TNRC6A: variants seen among roughly 807,000 people sequenced by gnomAD.
TNRC6A encodes the protein trinucleotide repeat-containing gene 6A protein.
Under a neutral mutation model 221.2 loss-of-function variants are expected in TNRC6A, and 44 were observed. The observed-to-expected ratio is 0.20, with a 90% CI of 0.16 to 0.26. TNRC6A has a LOEUF of 0.26. Ranked by LOEUF, TNRC6A falls within the 10% of genes least tolerant of loss-of-function variation. The pLI is 1.00. For missense variants in TNRC6A, 2,199 were observed against 2,404.4 expected (o/e 0.91, Z 1.79); for synonymous variants, 847 against 838.5 (o/e 1.01, Z -0.18).
rs2058061065 is a variant in TNRC6A at position 24,789,908 on chromosome 16, C to T, written c.1266C>T (p.Ser422=). The change falls in exon 6 of 25, where the codon AGC becomes AGT. Residue 422 remains serine, a synonymous_variant. Coordinates refer to ENST00000395799, the MANE Select transcript of TNRC6A (RefSeq NM_014494.4). ...GTTCTACCCATGGTACCTGGGGAAG[C>T]CTTCAGGAAACTTGTGAATCTGAAG... ...SGGSTHGTWG[S]LQETCESEVS... 1 of 1,613,672 alleles carries T rather than the reference C, an allele frequency of 6.2e-7. No individual in the cohort carries two copies. Among genetic ancestry groups the T allele is most frequent in the African/African-American group, 1.3e-5 (1 of 75,008 alleles).
chr16:24,715,078 G>A (rs111773512), intron 2 of TNRC6A, among the ~76,000 whole-genome samples: 15,246 of 151,498 alleles, frequency 0.1, 1,753 homozygotes, highest in East Asian at 0.35. Context: ...GGGTTTCACC[G>A]TGTTAGCCAG....
chr16:24,748,530 C>T (rs530065861), intron 2 of TNRC6A, among the ~76,000 whole-genome samples: 41 of 152,174 alleles, frequency 2.7e-4, no homozygotes, highest in African/African-American at 9.4e-4. Context: ...AAAATGACAG[C>T]GAAGTATAGC....
chr16:24,613,722 A>T (rs1900198013), intron 1 of TNRC6A, among the ~76,000 whole-genome samples: 1 of 151,526 alleles, frequency 6.6e-6, no homozygotes, highest in African/African-American at 2.4e-5. Flanking sequence ...TTTTAGTAGA[A>T]ACGTGGTTTC....
At chr16:24,739,478 C>CT (rs71383710) in intron 2 of TNRC6A, among the ~76,000 whole-genome samples, 49,547 of 118,098 alleles carry the variant, frequency 0.42, 11,936 homozygotes, top group East Asian at 0.53. Context: ...TTTCCTTTCA[C>CT]TTTTTTTTTT....
intron 11 of TNRC6A, among the ~76,000 whole-genome samples, chr16:24,802,634 AG>A (rs955794190): frequency 6.6e-6 from 1 of 152,242 alleles, no homozygotes; most frequent in Non-Finnish European, 1.5e-5. Context: ...GTGAAGTCTA[AG>A]CAACATGTTT....
intron 22 of TNRC6A, among the ~76,000 whole-genome samples, chr16:24,820,630 A>G (rs1567525673): frequency 1.3e-5 from 2 of 152,236 alleles, no homozygotes; most frequent in South Asian, 4.1e-4. Context: ...GGCTTAAACC[A>G]CATCACATGG....
Position 24,823,937 on chromosome 16 carries a change from TC to T in TNRC6A, c.*134del. 2 of 923,758 alleles carry T rather than the reference TC, an allele frequency of 2.2e-6. No individual in the cohort carries two copies. The highest frequency in any genetic ancestry group is 3.0e-6 in the Non-Finnish European group (2 of 671,632). 57.2% of individuals were successfully genotyped at this position (923,758 alleles called of 1,614,324 possible). ...TCTCTGCACATTTTCCACTTTGTTT[TC>T]CCCAAAACATATCAGTTTGAATACT... On this transcript the variant is annotated 3_prime_UTR_variant, in exon 25 of 25. Coordinates refer to ENST00000395799, the MANE Select transcript of TNRC6A (RefSeq NM_014494.4). The surrounding 1 kb of genome is among the most constrained non-coding windows in gnomAD (Gnocchi z 4.3).
chr16:24,767,617 GT>G (rs1428347571), intron 4 of TNRC6A, among the ~76,000 whole-genome samples: 4 of 152,226 alleles, frequency 2.6e-5, no homozygotes, highest in Admixed American at 2.6e-4. Flanking sequence ...GTTTGCCCAT[GT>G]TTTGCAAAAG....
At chr16:24,720,062 G>A (rs897887410) in intron 2 of TNRC6A, among the ~76,000 whole-genome samples, 7 of 152,140 alleles carry the variant, frequency 4.6e-5, no homozygotes, top group African/African-American at 1.7e-4. Flanking sequence ...AGGCAAGAGA[G>A]AAGGACTATA....
chr16:24,823,615 C>G lies in TNRC6A; in HGVS notation c.5697C>G (p.His1899Gln). ...TCTCCAGCCGGACCGATCTCAATCA[C>G]TGGAATGGTGCTGGGCTGTCGGGAA... is the stretch of plus-strand genomic sequence containing the variant. ...HSFSSRTDLN[H>Q]WNGAGLSGTN... Residue 1899 changes from histidine (H) to glutamine (Q), a missense_variant, in exon 25 of 25, where the codon CAC (histidine) becomes CAG (glutamine). This residue lies in a region of TNRC6A where 130 missense variants were observed against 121.7 expected (regional missense o/e 1.07). Coordinates refer to ENST00000395799, the MANE Select transcript of TNRC6A (RefSeq NM_014494.4). The surrounding 1 kb of genome is among the most constrained non-coding windows in gnomAD (Gnocchi z 4.3). 1 of 1,614,116 alleles carries G rather than the reference C, an allele frequency of 6.2e-7. No individual in the cohort carries two copies. The highest frequency in any genetic ancestry group is 8.5e-7 in the Non-Finnish European group (1 of 1,180,006).
chr16:24,728,758 T>C (rs1201653976), upstream of TNRC6A, among the ~76,000 whole-genome samples: 1 of 152,242 alleles, frequency 6.6e-6, no homozygotes, highest in Non-Finnish European at 1.5e-5. Context: ...TGTACACATA[T>C]GCATCTGTGT....
intron 4 of TNRC6A, among the ~76,000 whole-genome samples, chr16:24,760,528 T>A (rs1206511567): frequency 6.6e-6 from 1 of 152,240 alleles, no homozygotes; most frequent in African/African-American, 2.4e-5. Context: ...GTGATTTCAC[T>A]CATGTCATCC....
At chr16:24,617,120 C>CTT (rs796479701) in intron 1 of TNRC6A, among the ~76,000 whole-genome samples, 15 of 143,642 alleles carry the variant, frequency 1.0e-4, no homozygotes, top group African/African-American at 3.5e-4. Flanking sequence ...TTTTGAGCAT[C>CTT]TTTTTTTTTT....
intron 2 of TNRC6A, among the ~76,000 whole-genome samples, chr16:24,736,429 A>T (rs1007890670): frequency 1.3e-5 from 2 of 152,034 alleles, no homozygotes; most frequent in African/African-American, 2.4e-5. Flanking sequence ...TTTTCTCAAA[A>T]TTTTTTTTAA....
At chr16:24,698,021 CAAAA>C (rs1290086269) in intron 2 of TNRC6A, among the ~76,000 whole-genome samples, 1 of 78,532 alleles carries the variant, frequency 1.3e-5, no homozygotes, top group Non-Finnish European at 2.7e-5. Context: ...GGCTCTGTCT[CAAAA>C]AAAAAAAAAA....
chr16:24,648,480 C>T (rs1263418544), intron 2 of TNRC6A, among the ~76,000 whole-genome samples: 2 of 151,870 alleles, frequency 1.3e-5, no homozygotes, highest in Non-Finnish European at 2.9e-5. Flanking sequence ...CCGTGTTAGC[C>T]AGGATGGTCT....
Position 24,804,190 on chromosome 16 carries a change from C to G in TNRC6A, c.3708C>G (p.Asp1236Glu), listed in dbSNP as rs369985370. 6.7e-5 allele frequency: 107 copies of G among 1,607,250 alleles called. No homozygotes were observed. The highest frequency in any genetic ancestry group is 8.8e-5 in the Non-Finnish European group (104 of 1,178,466). ...KMDLSGGMLQDKRMEIDKHSL... is the reference protein window; with the variant it reads ...KMDLSGGMLQEKRMEIDKHSL... ...TGCCTTTATTAGGAATGTTACAAGA[C>G]AAACGAATGGAGATAGATAAACATA... The change falls in exon 12 of 25, where the codon GAC becomes GAG. Residue 1236 changes from aspartate to glutamate, a missense_variant. Around this residue, in one of 8 missense-constraint regions of TNRC6A, gnomAD observed 158 missense variants for 159.1 expected, o/e 0.99. Coordinates refer to ENST00000395799, the MANE Select transcript of TNRC6A (RefSeq NM_014494.4).
chr16:24,629,693 C>T (rs1901233295), intron 1 of TNRC6A, among the ~76,000 whole-genome samples: 1 of 152,070 alleles, frequency 6.6e-6, no homozygotes, highest in South Asian at 2.1e-4. Flanking sequence ...GTAAAATACA[C>T]ATAGACCGGG....
At chr16:24,796,623 A>G (rs2058224456) in intron 9 of TNRC6A, among the ~76,000 whole-genome samples, 1 of 152,230 alleles carries the variant, frequency 6.6e-6, no homozygotes, top group Non-Finnish European at 1.5e-5. Flanking sequence ...GATCAAAGCC[A>G]ACTTCAGAAT....
Sources: allele counts gnomAD v4.1 joint callset (sites outside exome capture counted in the v4.1 genomes callset), GRCh38; gene constraint gnomAD v4.1.1; regional missense constraint gnomAD v4.1.1; non-coding constraint Gnocchi (gnomAD v3.1); transcripts MANE v1.5; gene names NCBI Gene and HGNC (gene_info 2026-07-23, HGNC 2026-07-21).